MCCD1: variants seen among roughly 807,000 people sequenced by gnomAD.
The protein encoded by MCCD1 is mitochondrial coiled-coil domain 1.
A neutral mutation model predicts 5.6 loss-of-function variants in MCCD1; 5 were observed. That is an observed-to-expected ratio of 0.89 (90% CI 0.46 to 1.87). The LOEUF (loss-of-function observed/expected upper bound fraction) is 1.87. Among genes scored for constraint, MCCD1 ranks in the 40% most tolerant of loss-of-function variants. MCCD1 has a pLI of 0.01. For synonymous variants in MCCD1, 70 were observed against 57.3 expected, an observed-to-expected ratio of 1.22 and a Z score of -1.00; for missense variants, 178 against 141.8, an observed-to-expected ratio of 1.26 and a Z score of -1.30.
chr6:31,529,866 G>A lies in MCCD1; in HGVS notation c.291G>A (p.Leu97=). ...GQEGAWEAQA[L]VLKIQKLKEQ... is the part of the protein sequence containing the mutation. ...AGGGAGCCTGGGAGGCCCAAGCCCT[G>A]GTGCTCAAGATCCAGAAGCTGAAGG... The change falls in exon 2 of 2, where the codon CTG becomes CTA. Residue 97 remains leucine (L), a synonymous_variant. Transcript: ENST00000376191. 6.3e-7 allele frequency: 1 copy of A among 1,575,006 alleles called. No homozygotes were observed. Among genetic ancestry groups the A allele is most frequent in the Non-Finnish European group, 8.6e-7 (1 of 1,161,822 alleles).
chr6:31,529,109 G>A lies in MCCD1; in HGVS notation c.95G>A (p.Cys32Tyr). The A allele has an allele frequency of 6.2e-7, 1 of 1,612,726 alleles. No homozygotes were observed. The highest frequency in any genetic ancestry group is 8.5e-7 in the Non-Finnish European group (1 of 1,179,862). ...SLAPQGSHGC[C>Y]SQNPKASMEE... ...GCACCCCAGGGCTCCCATGGGTGCT[G>A]CTCCCAAAACCCCAAAGCAAGCATG... The change falls in exon 1 of 2, where the codon TGC (cysteine) becomes TAC (tyrosine). Residue 32 changes from cysteine (C) to tyrosine (Y), a missense_variant. Cys to Tyr is a radical substitution (Grantham distance 194, BLOSUM62 -2). Transcript: ENST00000376191.
Position 31,530,223 on chromosome 6 carries a change from A to G in MCCD1, c.*288A>G, listed in dbSNP as rs1766998271. The G allele has an allele frequency of 1.3e-6, 1 of 764,814 alleles. No individual in the cohort carries two copies. The highest frequency in any genetic ancestry group is 1.8e-5 in the African/African-American group (1 of 56,542). 47.4% of individuals were successfully genotyped at this position (764,814 alleles called of 1,614,324 possible). On this transcript the variant is annotated 3_prime_UTR_variant, in exon 2 of 2. Transcript: ENST00000376191. The surrounding 1 kb of genome is among the most constrained non-coding windows in gnomAD (Gnocchi z 4.5). The stretch of plus-strand genomic sequence containing the variant: ...TACAATAAAGGGACGAAGCACTTAT[A>G]GATACCACAGACACATGTGTTTCAT...
intron 1 of MCCD1, 106 bp from the exon 2 acceptor site, chr6:31,529,641 T>C (rs1765081721): frequency 1.5e-6 from 2 of 1,293,732 alleles, no homozygotes; most frequent in Non-Finnish European, 1.0e-6. Context: ...CAAAAACGAA[T>C]AGGGAAGGTG....
chr6:31,529,714 G>A, intron 1 of MCCD1, 33 bp from the exon 2 acceptor site: 2 of 1,429,688 alleles, frequency 1.4e-6, no homozygotes, highest in African/African-American at 1.4e-5. Context: ...CCCCTGCCCT[G>A]GCTGATGCTC....
In MCCD1 at chr6:31,530,135, C is replaced by A; in HGVS notation, c.*200C>A. 1 of 1,085,428 alleles carries A rather than the reference C, an allele frequency of 9.2e-7. No homozygotes were observed. The highest frequency in any genetic ancestry group is 1.3e-6 in the Non-Finnish European group (1 of 786,980). 67.2% of individuals were successfully genotyped at this position (1,085,428 alleles called of 1,614,324 possible). Reference sequence around the variant, plus strand: ...CATTCCCCTTTGATCTCACAGCAGGCAGGGCACCCAGGCCTTATAGGAATT... The same window carrying A: ...CATTCCCCTTTGATCTCACAGCAGGAAGGGCACCCAGGCCTTATAGGAATT... On this transcript the variant is annotated 3_prime_UTR_variant, in exon 2 of 2. Transcript: ENST00000376191. This position sits in a 1 kb window ranked among gnomAD's most constrained non-coding sequence, Gnocchi z 4.5.
intron 1 of MCCD1, 88 bp downstream of exon 1, chr6:31,529,273 C>T (rs1289471617): frequency 2.2e-6 from 3 of 1,337,014 alleles, no homozygotes; most frequent in Admixed American, 2.1e-5. Flanking sequence ...CCCTGCACCA[C>T]CCCACACCAT....
Position 31,529,183 on chromosome 6 carries a change from AG to A in MCCD1, c.171+1del, listed in dbSNP as rs780438566. On this transcript the variant is annotated frameshift_variant and splice_region_variant, in exon 1 of 2. Transcript: ENST00000376191. LOFTEE classifies it low-confidence loss of function (END_TRUNC). ...RGNGKMTSPP[R>X]GPGTHRTAEL... ...AAATGGGAAGATGACGTCCCCTCCC[AG>A]GGTAAGTGGCACCACAGGTAGGAAC... 5.7e-5 allele frequency: 92 copies of A among 1,612,092 alleles called. No individual in the cohort carries two copies. The East Asian group carries it at 1.4e-3, about 25-fold the overall frequency.
Position 31,529,770 on chromosome 6 carries a change from T to A in MCCD1, c.195T>A (p.Ala65=). The A allele has an allele frequency of 6.5e-7, 1 of 1,538,700 alleles. No individual in the cohort carries two copies. Among genetic ancestry groups the A allele is most frequent in the South Asian group, 1.2e-5 (1 of 82,924 alleles). ...AGGGCCCTGGGACCCACCGCACAGC[T>A]GAGCTGGCCCGAGCTGAAGAGTTGT... ...PPRGPGTHRT[A]ELARAEELLE... Residue 65 remains alanine, a synonymous_variant, in exon 2 of 2, where the codon GCT becomes GCA. Coordinates refer to ENST00000376191, the MANE Select transcript of MCCD1 (RefSeq NM_001011700.3).
intron 1 of MCCD1, 139 bp downstream of exon 1, chr6:31,529,324 CCT>C: frequency 1.1e-6 from 1 of 934,152 alleles, no homozygotes; most frequent in Non-Finnish European, 1.6e-6. Flanking sequence ...GCTACCAACT[CCT>C]CTCCCCACCT....
chr6:31,529,999 T>C lies in MCCD1; in HGVS notation c.*64T>C. On this transcript the variant is annotated 3_prime_UTR_variant, in exon 2 of 2. Transcript: ENST00000376191. Reference sequence around the variant, plus strand: ...ATACACGCACCACCCACCAGGAGCCTTGGGATCATAAACACCCCAGCGTCT... The same window carrying C: ...ATACACGCACCACCCACCAGGAGCCCTGGGATCATAAACACCCCAGCGTCT... The C allele has an allele frequency of 7.0e-7, 1 of 1,431,164 alleles. No homozygotes were observed. Among genetic ancestry groups the C allele is most frequent in the Admixed American group, 2.9e-5 (1 of 34,440 alleles). The allele number at this position is 1,431,164 out of a possible 1,614,324, so 88.7% of individuals were successfully genotyped here. A position where few individuals can be genotyped will look rare whatever the true frequency, so the allele number is the denominator to read the frequency against.
intron 1 of MCCD1, 150 bp downstream of exon 1, chr6:31,529,335 C>T: frequency 2.3e-6 from 2 of 880,922 alleles, no homozygotes; most frequent in Non-Finnish European, 3.4e-6. Flanking sequence ...CTCTCCCCAC[C>T]TCCCCCAGCC....
Position 31,530,059 on chromosome 6 carries a change from C to A in MCCD1, c.*124C>A. 1 of 1,412,746 alleles carries A rather than the reference C, an allele frequency of 7.1e-7. No homozygotes were observed. Among genetic ancestry groups the A allele is most frequent in the Non-Finnish European group, 9.3e-7 (1 of 1,078,060 alleles). 87.5% of individuals were successfully genotyped at this position (1,412,746 alleles called of 1,614,324 possible). ...AGAGAAAGTGGAAGAGACCACAAAG[C>A]GCAGGCAATTGGCAGGCAGTGGGGG... On this transcript the variant is annotated 3_prime_UTR_variant, in exon 2 of 2. Coordinates refer to ENST00000376191, the MANE Select transcript of MCCD1 (RefSeq NM_001011700.3). This position sits in a 1 kb window ranked among gnomAD's most constrained non-coding sequence, Gnocchi z 4.5.
chr6:31,529,276 C>A lies in MCCD1; in HGVS notation c.171+91C>A. ...CCCTCAATCCCACCCTGCACCACCCCACACCATGCCTACCCCTGCAGCTCT... is the reference window on the plus strand; with the variant it reads ...CCCTCAATCCCACCCTGCACCACCCAACACCATGCCTACCCCTGCAGCTCT... On this transcript the variant is annotated intron_variant, in intron 1 of 1. Transcript: ENST00000376191. 4 of 1,300,854 alleles carry A rather than the reference C, an allele frequency of 3.1e-6. No individual in the cohort carries two copies. The East Asian group carries it at 7.2e-5, about 23-fold the overall frequency. 80.6% of individuals were successfully genotyped at this position (1,300,854 alleles called of 1,614,324 possible). A position where few individuals can be genotyped will look rare whatever the true frequency, so the allele number is the denominator to read the frequency against.
Position 31,529,093 on chromosome 6 carries a change from G to C in MCCD1, c.79G>C (p.Gly27Arg). Reference protein sequence around the residue: ...LLPSWSLAPQGSHGCCSQNPK... With the variant: ...LLPSWSLAPQRSHGCCSQNPK... ...GCCCTCCTGGTCCTTGGCACCCCAGGGCTCCCATGGGTGCTGCTCCCAAAA... is the reference window on the plus strand; with the variant it reads ...GCCCTCCTGGTCCTTGGCACCCCAGCGCTCCCATGGGTGCTGCTCCCAAAA... The change falls in exon 1 of 2, where the codon GGC (glycine) becomes CGC (arginine). Residue 27 changes from glycine (G) to arginine (R), a missense_variant. By Grantham distance (125) the Gly-to-Arg change is moderately radical (BLOSUM62 -2). Coordinates refer to ENST00000376191, the MANE Select transcript of MCCD1 (RefSeq NM_001011700.3). 2 of 1,612,840 alleles carry C rather than the reference G, an allele frequency of 1.2e-6. No homozygotes were observed. Among genetic ancestry groups the C allele is most frequent in the Non-Finnish European group, 1.7e-6 (2 of 1,179,912 alleles).
intron 1 of MCCD1, 33 bp downstream of exon 1, chr6:31,529,218 T>G (rs750261813): frequency 5.0e-6 from 8 of 1,600,760 alleles, no homozygotes; most frequent in Non-Finnish European, 6.8e-6. Context: ...ACAGAGGGTG[T>G]GAGAATTTAC....
In MCCD1 at chr6:31,530,192, C is replaced by A; in HGVS notation, c.*257C>A. The A allele has an allele frequency of 1.3e-6, 1 of 799,058 alleles. No individual in the cohort carries two copies. Among genetic ancestry groups the A allele is most frequent in the Non-Finnish European group, 1.9e-6 (1 of 519,510 alleles). The allele number at this position is 799,058 out of a possible 1,614,324, so 49.5% of individuals were successfully genotyped here. On this transcript the variant is annotated 3_prime_UTR_variant, in exon 2 of 2. Transcript: ENST00000376191. This position sits in a 1 kb window ranked among gnomAD's most constrained non-coding sequence, Gnocchi z 4.5. ...GGACCATGCCCTAAAATAACCTCAC[C>A]CCAAATACAATAAAGGGACGAAGCA...
In MCCD1 at chr6:31,529,829, T is replaced by G; in HGVS notation, c.254T>G (p.Leu85Arg). Residue 85 changes from leucine (L) to arginine (R), a missense_variant, in exon 2 of 2, where the codon CTT becomes CGT. Transcript: ENST00000376191. Reference sequence around the variant, plus strand: ...CAGCTGGAGCTGTACCAGGCCCTCCTTGAAGGGCAGGAGGGAGCCTGGGAG... The same window carrying G: ...CAGCTGGAGCTGTACCAGGCCCTCCGTGAAGGGCAGGAGGGAGCCTGGGAG... ...EQQLELYQALLEGQEGAWEAQ... is the reference protein window; with the variant it reads ...EQQLELYQALREGQEGAWEAQ... 6.3e-7 allele frequency: 1 copy of G among 1,598,474 alleles called. No homozygotes were observed. The highest frequency in any genetic ancestry group is 8.5e-7 in the Non-Finnish European group (1 of 1,174,022).
chr6:31,529,022 T>G lies in MCCD1; in HGVS notation c.8T>G (p.Leu3Arg). Residue 3 changes from leucine to arginine, a missense_variant, in exon 1 of 2, where the codon CTC becomes CGC. Physicochemically the swap from Leu to Arg is moderately radical, Grantham distance 102. Coordinates refer to ENST00000376191, the MANE Select transcript of MCCD1 (RefSeq NM_001011700.3). MV[L>R]PLPWLSRYHF... ...CCTGCCAGGTCACCCGCCATGGTCC[T>G]CCCTCTGCCCTGGCTCTCTCGGTAC... The G allele has an allele frequency of 6.2e-7, 1 of 1,611,962 alleles. No individual in the cohort carries two copies. Among genetic ancestry groups the G allele is most frequent in the Non-Finnish European group, 8.5e-7 (1 of 1,179,328 alleles).
In MCCD1 at chr6:31,529,019, TCCTC is replaced by T. The variant is rs766049011; in HGVS notation, c.10_13del (p.Pro4CysfsTer48). 70 of 1,611,752 alleles carry T rather than the reference TCCTC, an allele frequency of 4.3e-5. No individual in the cohort carries two copies. Among genetic ancestry groups the T allele is most frequent in the Non-Finnish European group, 5.5e-5 (65 of 1,179,350 alleles). On this transcript the variant is annotated frameshift_variant, in exon 1 of 2. Transcript: ENST00000376191. LOFTEE classifies it high-confidence loss of function. ...CTCCCTGCCAGGTCACCCGCCATGGTCCTCCCTCTGCCCTGGCTCTCTCGGTACC... is the reference window on the plus strand; with the variant it reads ...CTCCCTGCCAGGTCACCCGCCATGGTCCTCTGCCCTGGCTCTCTCGGTACC...
Sources: gnomAD v4.1 joint callset for allele counts on GRCh38, gnomAD v4.1.1 for gene constraint, Gnocchi (gnomAD v3.1) non-coding constraint, MANE v1.5 for transcripts, NCBI Gene and HGNC (gene_info 2026-07-23, HGNC 2026-07-21) for gene names.